Variants in SAMHD1 observed in about 807,000 individuals in gnomAD.
The protein encoded by SAMHD1 is deoxynucleoside triphosphate triphosphohydrolase SAMHD1.
In SAMHD1, 54 loss-of-function variants were observed where a neutral mutation model predicts 79.6. The ratio of observed to expected loss-of-function variants is 0.68; its 90% CI spans 0.55 to 0.85. The LOEUF is 0.85. Among genes scored for constraint, SAMHD1 ranks in the 40% least tolerant of loss-of-function variants. The pLI is 0.00. For synonymous variants in SAMHD1, 260 were observed against 264.1 expected, an observed-to-expected ratio of 0.98 and a Z score of 0.15; for missense variants, 663 against 782.7, an observed-to-expected ratio of 0.85 and a Z score of 1.82.
At position 36,912,889 on chromosome 20, in the gene SAMHD1, GTTTT is replaced by G. The variant is rs71186089; in HGVS notation, c.1063-341_1063-338del. Among the ~76,000 whole-genome samples the G allele has an allele frequency of 5.7e-3, 235 of 41,116 alleles. 4 individuals are homozygous for G. Among genetic ancestry groups the G allele is most frequent in the African/African-American group, 0.022 (215 of 9,560 alleles). 27.0% of individuals were successfully genotyped at this position (41,116 alleles called of 152,430 possible). On this transcript the variant is annotated intron_variant, in intron 9 of 15. Transcript: ENST00000646673. ...TGTACCCAGCTAACTTTCATTCTTTGTTTTTTTTTTTTTTTTTTTTTTTTTTGAG... is the reference window on the plus strand; with the variant it reads ...TGTACCCAGCTAACTTTCATTCTTTGTTTTTTTTTTTTTTTTTTTTTTGAG...
chr20:36,905,295 T>C lies in SAMHD1; in HGVS notation c.1410+69A>G, dbSNP rs148888837. 32 of 1,493,600 alleles carry C rather than the reference T, an allele frequency of 2.1e-5. No homozygotes were observed. In the African/African-American group the frequency reaches 2.5e-4, roughly 12 times the overall value. The allele number at this position is 1,493,600 out of a possible 1,614,324, so 92.5% of individuals were successfully genotyped here. ...TTAGTACAGAGTCATAGTATCACGATAGGTTAGTGGTCTCCTCTTGGAGGA... is the reference window on the plus strand; with the variant it reads ...TTAGTACAGAGTCATAGTATCACGACAGGTTAGTGGTCTCCTCTTGGAGGA... On this transcript the variant is annotated intron_variant, in intron 12 of 15. Transcript: ENST00000646673.
intron 9 of SAMHD1, among the ~76,000 whole-genome samples, chr20:36,914,097 A>G (rs550214158): frequency 4.6e-4 from 69 of 150,992 alleles, no homozygotes; most frequent in Middle Eastern, 6.8e-3. Flanking sequence ...CTTTTTGATT[A>G]CATGACTGCC....
chr20:36,934,918 A>G, intron 4 of SAMHD1, 111 bp downstream of exon 4: 1 of 1,176,682 alleles, frequency 8.5e-7, no homozygotes, highest in Non-Finnish European at 1.3e-6. Flanking sequence ...TCTGCCTCCC[A>G]AAGTGCTGGG....
At position 36,934,207 on chromosome 20, in the gene SAMHD1, A is replaced by AAATT. The variant is rs200235551; in HGVS notation, c.509+818_509+821dup. ...GTGGTTAAGAATACATAAAATAAAT[A>AAATT]AATTGCAACAAGGTAAATAAAAAGC... On this transcript the variant is annotated intron_variant, in intron 4 of 15. Transcript: ENST00000646673. 6.2e-3 allele frequency among the ~76,000 whole-genome samples: 944 copies of AAATT among 152,070 alleles called. 5 individuals carry two copies. The highest frequency in any genetic ancestry group is 0.021 in the African/African-American group (867 of 41,506).
intron 1 of SAMHD1, among the ~76,000 whole-genome samples, chr20:36,951,122 A>T (rs2063730277): frequency 6.6e-6 from 1 of 152,100 alleles, no homozygotes; most frequent in Non-Finnish European, 1.5e-5. Context: ...CAGGTCCTCA[A>T]TCCCGGGAGC....
intron 15 of SAMHD1, among the ~76,000 whole-genome samples, chr20:36,895,643 T>C (rs1990183070): frequency 6.6e-6 from 1 of 152,054 alleles, no homozygotes; most frequent in African/African-American, 2.4e-5. Flanking sequence ...GTACCAAATT[T>C]ATAGTAGTTA....
chr20:36,911,551 A>G (rs890464745), intron 10 of SAMHD1: 39 of 513,038 alleles, frequency 7.6e-5, no homozygotes, highest in Non-Finnish European at 1.0e-4. Context: ...TGCATTCACC[A>G]TCTTATTTAT....
chr20:36,934,936 G>C, intron 4 of SAMHD1, 93 bp downstream of exon 4: 1 of 1,342,736 alleles, frequency 7.4e-7, no homozygotes, highest in Non-Finnish European at 1.1e-6. Context: ...GGGATTATAG[G>C]TGTGAGCCAC....
intron 1 of SAMHD1, among the ~76,000 whole-genome samples, chr20:36,947,484 TGTGTGTGA>T (rs2063698887): frequency 7.6e-6 from 1 of 131,080 alleles, no homozygotes; most frequent in African/African-American, 2.9e-5. Flanking sequence ...GAGGTGTGTG[TGTGTGTGA>T]GTGTGTGTGT....
chr20:36,897,362 A>C (rs1349920186), intron 15 of SAMHD1, among the ~76,000 whole-genome samples: 5 of 152,254 alleles, frequency 3.3e-5, no homozygotes, highest in African/African-American at 1.2e-4. Context: ...AGGGTTGGCA[A>C]CTGTGGCTTG....
chr20:36,946,675 T>C, intron 2 of SAMHD1, 63 bp downstream of exon 2: 1 of 1,324,132 alleles, frequency 7.6e-7, no homozygotes, highest in South Asian at 1.2e-5. Context: ...ATTTTGGGCT[T>C]TGTCCCTGAA....
At chr20:36,941,307 G>A (rs2063643054) in intron 2 of SAMHD1, among the ~76,000 whole-genome samples, 196 bp from the exon 3 acceptor site, 1 of 152,052 alleles carries the variant, frequency 6.6e-6, no homozygotes, top group Admixed American at 6.6e-5. Flanking sequence ...CTCTCCTGCT[G>A]AATCAATATA....
chr20:36,897,757 C>T, intron 15 of SAMHD1, 65 bp downstream of exon 15: 1 of 1,587,118 alleles, frequency 6.3e-7, no homozygotes, highest in Non-Finnish European at 8.7e-7. Flanking sequence ...AGCAGATAGA[C>T]TTACTTTTGG....
At chr20:36,933,491 T>TTTTA (rs998987151) in intron 4 of SAMHD1, among the ~76,000 whole-genome samples, 24 of 151,930 alleles carry the variant, frequency 1.6e-4, no homozygotes, top group African/African-American at 2.2e-4. Flanking sequence ...ACCCATTAGC[T>TTTTA]TTTATTTATT....
Position 36,927,172 on chromosome 20 carries a change from G to T in SAMHD1, c.696+10C>A. The T allele has an allele frequency of 6.2e-7, 1 of 1,606,228 alleles. No individual in the cohort carries two copies. On this transcript the variant is annotated intron_variant, in intron 6 of 15. Coordinates refer to ENST00000646673, the MANE Select transcript of SAMHD1 (RefSeq NM_015474.4). ...TCTTTTTATTGACTATTGACTGTATGAATACATACCGTCCATTTCACCTCC... is the reference window on the plus strand; with the variant it reads ...TCTTTTTATTGACTATTGACTGTATTAATACATACCGTCCATTTCACCTCC...
At chr20:36,924,553 T>C (rs1346418721) in intron 6 of SAMHD1, among the ~76,000 whole-genome samples, 1 of 152,110 alleles carries the variant, frequency 6.6e-6, no homozygotes, top group East Asian at 1.9e-4. Context: ...TGGCTACATA[T>C]TATGAAGTAC....
At chr20:36,943,112 G>A (rs1290852759) in intron 2 of SAMHD1, among the ~76,000 whole-genome samples, 1 of 152,156 alleles carries the variant, frequency 6.6e-6, no homozygotes, top group Non-Finnish European at 1.5e-5. Context: ...TCTGGGCACA[G>A]GGATTGGGGG....
At chr20:36,932,328 G>A (rs1470979887) in intron 4 of SAMHD1, among the ~76,000 whole-genome samples, 1 of 121,722 alleles carries the variant, frequency 8.2e-6, no homozygotes, top group Non-Finnish European at 1.6e-5. Flanking sequence ...TCCAGCCTGG[G>A]CAACAAGAGC....
At chr20:36,926,612 G>A (rs1200292079) in intron 6 of SAMHD1, among the ~76,000 whole-genome samples, 1 of 152,088 alleles carries the variant, frequency 6.6e-6, no homozygotes, top group African/African-American at 2.4e-5. Context: ...AAAAGTGGTT[G>A]ACATGTAAGA....
Sources: gnomAD v4.1 joint callset for allele counts (sites outside exome capture counted in the v4.1 genomes callset) on GRCh38, gnomAD v4.1.1 for gene constraint, MANE v1.5 for transcripts, NCBI Gene and HGNC (gene_info 2026-07-23, HGNC 2026-07-21) for gene names.